POLR1A: variants seen among roughly 807,000 people sequenced by gnomAD.
POLR1A encodes the protein DNA-directed RNA polymerase I subunit RPA1.
A neutral mutation model predicts 205.3 loss-of-function variants in POLR1A; 84 were observed. That is an observed-to-expected ratio of 0.41 (90% CI 0.34 to 0.49). The LOEUF (loss-of-function observed/expected upper bound fraction) is 0.49, where lower values mean the gene tolerates loss of function less well. Among genes scored for constraint, POLR1A ranks in the 20% least tolerant of loss-of-function variants. POLR1A has a pLI of 0.22. For missense variants in POLR1A, 1,645 were observed against 2,204.5 expected, an observed-to-expected ratio of 0.75 and a Z score of 5.08; for synonymous variants, 799 against 863.7, an observed-to-expected ratio of 0.93 and a Z score of 1.31.
chr2:86,037,810 C>T (rs955101849), intron 27 of POLR1A, among the ~76,000 whole-genome samples: 2 of 152,174 alleles, frequency 1.3e-5, no homozygotes, highest in Non-Finnish European at 2.9e-5. Context: ...AAGAAAAAAA[C>T]GTAGGGGGTG....
chr2:86,091,453 C>A (rs1256316212), intron 3 of POLR1A, among the ~76,000 whole-genome samples: 1 of 151,876 alleles, frequency 6.6e-6, no homozygotes, highest in African/African-American at 2.4e-5. Context: ...CAATGACAGA[C>A]AAACTGTCAA....
At chr2:86,046,959 G>A (rs1005966538) in intron 19 of POLR1A, among the ~76,000 whole-genome samples, 6 of 152,176 alleles carry the variant, frequency 3.9e-5, no homozygotes, top group Non-Finnish European at 5.9e-5. Flanking sequence ...ATATATCTAC[G>A]TTATACATAT....
chr2:86,059,171 A>G (rs1440658128), intron 14 of POLR1A, among the ~76,000 whole-genome samples: 1 of 152,246 alleles, frequency 6.6e-6, no homozygotes, highest in African/African-American at 2.4e-5. Flanking sequence ...ACATGTACAG[A>G]CACAGAATGA....
rs1363933780 is a variant in POLR1A at position 86,045,678 on chromosome 2, T to C, written c.2825A>G (p.Glu942Gly). The change falls in exon 20 of 34, where the codon GAG (glutamate) becomes GGG (glycine). Residue 942 changes from glutamate (E) to glycine (G), a missense_variant. By Grantham distance (98) the Glu-to-Gly change is moderately conservative. This residue lies in a region of POLR1A where 339 missense variants were observed against 415.1 expected (regional missense o/e 0.82). Transcript: ENST00000263857. ...GKSLPCFEPY[E>G]FTPRAGGFVT... ...AAAGCCACCAGCCCTGGGGGTGAAC[T>C]CATAAGGCTCAAAGCAGGGCAGTGA... is the stretch of plus-strand genomic sequence containing the variant. 1 of 1,613,176 alleles carries C rather than the reference T, an allele frequency of 6.2e-7. No homozygotes were observed. The highest frequency in any genetic ancestry group is 1.7e-5 in the Admixed American group (1 of 59,744).
At position 86,031,505 on chromosome 2, in the gene POLR1A, A is replaced by G; in HGVS notation, c.4403T>C (p.Leu1468Ser). 2 of 1,614,108 alleles carry G rather than the reference A, an allele frequency of 1.2e-6. No homozygotes were observed. The highest frequency in any genetic ancestry group is 1.7e-6 in the Non-Finnish European group (2 of 1,179,988). ...AAGGGACGGGTCCTCCTCAGTGCCT[A>G]AGCCCACCTCTTCATCTTGCTCTTG... ...KTQEQDEEVGLGTEEDPSLPA... is the reference protein window; with the variant it reads ...KTQEQDEEVGSGTEEDPSLPA... Residue 1468 changes from leucine to serine, a missense_variant, in exon 30 of 34, where the codon TTA becomes TCA. By Grantham distance (145) the Leu-to-Ser change is moderately radical. Transcript: ENST00000263857.
chr2:86,095,438 A>G (rs1270491589), intron 3 of POLR1A, among the ~76,000 whole-genome samples: 2 of 152,260 alleles, frequency 1.3e-5, no homozygotes, highest in Non-Finnish European at 2.9e-5. Context: ...ATATCTACAG[A>G]TAAACTGTCA....
At chr2:86,044,343 C>G in intron 21 of POLR1A, 39 bp from the exon 22 acceptor site, 1 of 1,611,360 alleles carries the variant, frequency 6.2e-7, no homozygotes, top group Non-Finnish European at 8.5e-7. Flanking sequence ...GCCGGCCCAT[C>G]ACCTCCCCAG....
rs185258869 is a variant in POLR1A at position 86,030,294 on chromosome 2, G to A, written c.4681C>T (p.Arg1561Trp). ...AVIYATKGIT[R>W]CLLNETTNNK... Reference sequence around the variant, plus strand: ...TTGGTTGTTTCATTCAGGAGGCACCGAGTGATGCCCTTGGTCGCATAGATG... The same window carrying A: ...TTGGTTGTTTCATTCAGGAGGCACCAAGTGATGCCCTTGGTCGCATAGATG... Residue 1561 changes from arginine to tryptophan, a missense_variant, in exon 31 of 34, where the codon CGG becomes TGG. Coordinates refer to ENST00000263857, the MANE Select transcript of POLR1A (RefSeq NM_015425.6). The A allele has an allele frequency of 3.3e-5, 54 of 1,613,902 alleles. No individual in the cohort carries two copies. The highest frequency in any genetic ancestry group is 4.1e-5 in the Non-Finnish European group (48 of 1,179,748).
At chr2:86,065,208 T>G in intron 14 of POLR1A, 66 bp downstream of exon 14, 1 of 1,401,330 alleles carries the variant, frequency 7.1e-7, no homozygotes, top group Non-Finnish European at 9.9e-7. Context: ...CTTCTGAGAA[T>G]AAAACCTTTT....
At position 86,030,314 on chromosome 2, in the gene POLR1A, T is replaced by C. The variant is rs377467532; in HGVS notation, c.4661A>G (p.Tyr1554Cys). The change falls in exon 31 of 34, where the codon TAT becomes TGT. Residue 1554 changes from tyrosine (Y) to cysteine (C), a missense_variant. This residue lies in a region of POLR1A where 394 missense variants were observed against 468.5 expected (regional missense o/e 0.84). Coordinates refer to ENST00000263857, the MANE Select transcript of POLR1A (RefSeq NM_015425.6). ...VVSLAHGAVI[Y>C]ATKGITRCLL... Reference sequence around the variant, plus strand: ...GCACCGAGTGATGCCCTTGGTCGCATAGATGACGGCACCATGGGCCAAAGA... The same window carrying C: ...GCACCGAGTGATGCCCTTGGTCGCACAGATGACGGCACCATGGGCCAAAGA... 1.8e-4 allele frequency: 295 copies of C among 1,613,996 alleles called. 2 individuals carry two copies. The highest frequency in any genetic ancestry group is 2.2e-4 in the Non-Finnish European group (254 of 1,179,950).
At chr2:86,062,953 T>G (rs1258745421) in intron 14 of POLR1A, among the ~76,000 whole-genome samples, 1 of 152,194 alleles carries the variant, frequency 6.6e-6, no homozygotes, top group Non-Finnish European at 1.5e-5. Context: ...ACAAATTCCC[T>G]GAAAAACACA....
rs960980122 is a variant in POLR1A, at chr2:86,057,382, G to C, written c.2059-3093C>G. 1.3e-5 allele frequency among the ~76,000 whole-genome samples: 2 copies of C among 152,210 alleles called. 1 individual carries two copies. Among genetic ancestry groups the C allele is most frequent in the Non-Finnish European group, 2.9e-5 (2 of 68,030 alleles). On this transcript the variant is annotated intron_variant, in intron 14 of 33. Transcript: ENST00000263857. ...TAGTGGAAATGTAAATAACACACCT[G>C]ATTTGAAAAATAGTTTGCAAGTTCC...
In POLR1A at chr2:86,100,189, G is replaced by C; in HGVS notation, c.78-17C>G. On this transcript the variant is annotated splice_polypyrimidine_tract_variant and intron_variant, in intron 1 of 33. Coordinates refer to ENST00000263857, the MANE Select transcript of POLR1A (RefSeq NM_015425.6). ...CTTAATTTCCTAAGGGGATAAAAAAGACCAAGAGGAAAGCTAAAGTTACCA... is the reference window on the plus strand; with the variant it reads ...CTTAATTTCCTAAGGGGATAAAAAACACCAAGAGGAAAGCTAAAGTTACCA... The C allele has an allele frequency of 6.3e-7, 1 of 1,593,776 alleles. No individual in the cohort carries two copies. The highest frequency in any genetic ancestry group is 8.6e-7 in the Non-Finnish European group (1 of 1,161,504).
chr2:86,088,527 G>T, intron 6 of POLR1A, 39 bp downstream of exon 6: 1 of 1,260,940 alleles, frequency 7.9e-7, no homozygotes, highest in Non-Finnish European at 1.2e-6. Context: ...ACATCTGCTG[G>T]CCTCACATGG....
chr2:86,055,609 G>T (rs1672882158), intron 14 of POLR1A, among the ~76,000 whole-genome samples: 1 of 152,148 alleles, frequency 6.6e-6, no homozygotes. Flanking sequence ...CCCAGGCTAG[G>T]CATAGTCAAG....
Position 86,070,069 on chromosome 2 carries a change from C to T in POLR1A, c.1815G>A (p.Arg605=). 6.2e-7 allele frequency: 1 copy of T among 1,614,100 alleles called. No individual in the cohort carries two copies. The highest frequency in any genetic ancestry group is 8.5e-7 in the Non-Finnish European group (1 of 1,179,984). The change falls in exon 13 of 34, where the codon CGG becomes CGA. Residue 605 remains arginine, a synonymous_variant. Transcript: ENST00000263857. The surrounding 1 kb of genome is among the most constrained non-coding windows in gnomAD (Gnocchi z 4.4). ...NAHFPQSELG[R]AEAYVLACTD... ...TGCAGGCCAGGACGTAGGCCTCGGCCCGGCCCAGCTCACTCTGGGGGAAAT... is the reference window on the plus strand; with the variant it reads ...TGCAGGCCAGGACGTAGGCCTCGGCTCGGCCCAGCTCACTCTGGGGGAAAT...
intron 6 of POLR1A, among the ~76,000 whole-genome samples, chr2:86,087,542 G>A (rs553207305): frequency 2.2e-4 from 34 of 152,332 alleles, no homozygotes; most frequent in African/African-American, 7.2e-4. Flanking sequence ...TGCAGGTTGT[G>A]CTTTTTCTTT....
chr2:86,064,959 GAGAT>G (rs1390442324), intron 14 of POLR1A, among the ~76,000 whole-genome samples: 1 of 152,026 alleles, frequency 6.6e-6, no homozygotes, highest in Non-Finnish European at 1.5e-5. Context: ...ACTTTTAGTA[GAGAT>G]AGGGTTTCAC....
At chr2:86,056,103 T>TAAA (rs778322630) in intron 14 of POLR1A, among the ~76,000 whole-genome samples, 1 of 152,110 alleles carries the variant, frequency 6.6e-6, no homozygotes, top group Non-Finnish European at 1.5e-5. Context: ...GGTCAACATA[T>TAAA]AAAAATTAAT....
Sources: gnomAD v4.1 joint callset for allele counts (sites outside exome capture counted in the v4.1 genomes callset) on GRCh38, gnomAD v4.1.1 for gene constraint, gnomAD v4.1.1 regional missense constraint, Gnocchi (gnomAD v3.1) non-coding constraint, MANE v1.5 for transcripts, NCBI Gene and HGNC (gene_info 2026-07-23, HGNC 2026-07-21) for gene names.